The following LRP1B variants were observed in gnomAD, a reference collection of about 807,000 sequenced individuals.
LRP1B encodes low-density lipoprotein receptor-related protein 1B.
A neutral mutation model predicts 556.6 loss-of-function variants in LRP1B; 217 were observed. The ratio of observed to expected loss-of-function variants is 0.39; its 90% CI spans 0.35 to 0.44. The LOEUF (loss-of-function observed/expected upper bound fraction) is 0.44, where lower values mean the gene tolerates loss of function less well. Among genes scored for constraint, LRP1B ranks in the 20% least tolerant of loss-of-function variants. LRP1B has a pLI of 1.00. For missense variants in LRP1B, 5,053 were observed against 5,620.8 expected, an observed-to-expected ratio of 0.90 and a Z score of 3.23; for synonymous variants, 2,047 against 1,865.8, an observed-to-expected ratio of 1.10 and a Z score of -2.50.
intron 3 of LRP1B, among the ~76,000 whole-genome samples, chr2:141,305,743 A>C (rs989802279): frequency 4.6e-5 from 7 of 152,140 alleles, no homozygotes; most frequent in Non-Finnish European, 1.5e-5. Flanking sequence ...CACAGTCTCT[A>C]TTATGTTGAT....
intron 84 of LRP1B, among the ~76,000 whole-genome samples, chr2:140,284,005 G>A (rs746626105): frequency 6.6e-6 from 1 of 151,512 alleles, no homozygotes; most frequent in Non-Finnish European, 1.5e-5. Flanking sequence ...GCATATGAAG[G>A]CCTGAAAAAA....
intron 7 of LRP1B, among the ~76,000 whole-genome samples, chr2:141,184,738 A>C (rs1558918259): frequency 6.6e-6 from 1 of 151,486 alleles, no homozygotes; most frequent in Non-Finnish European, 1.5e-5. Flanking sequence ...CCTCAGCCAA[A>C]GTGCAGCGAT....
intron 1 of LRP1B, among the ~76,000 whole-genome samples, chr2:141,959,069 C>T (rs1167132790): frequency 6.6e-6 from 1 of 151,954 alleles, no homozygotes; most frequent in African/African-American, 2.4e-5. Context: ...AACCCTCAAG[C>T]TCATTTTCTT....
At chr2:140,661,874 A>G (rs1685108700) in intron 41 of LRP1B, among the ~76,000 whole-genome samples, 1 of 151,620 alleles carries the variant, frequency 6.6e-6, no homozygotes, top group Admixed American at 6.6e-5. Flanking sequence ...CACACAAAAA[A>G]GTTTAAGATT....
At chr2:141,513,334 T>C (rs1034708881) in intron 2 of LRP1B, among the ~76,000 whole-genome samples, 4 of 152,130 alleles carry the variant, frequency 2.6e-5, no homozygotes, top group Non-Finnish European at 5.9e-5. Flanking sequence ...ATTCCTTAAT[T>C]TTAAGTTATT....
chr2:141,031,714 AAAC>A (rs1698376863), intron 11 of LRP1B, among the ~76,000 whole-genome samples: 1 of 151,984 alleles, frequency 6.6e-6, no homozygotes, highest in Admixed American at 6.6e-5. Flanking sequence ...TTCACGAAGA[AAAC>A]AACAACACTT....
intron 7 of LRP1B, among the ~76,000 whole-genome samples, chr2:141,131,446 CCT>C (rs1701354382): frequency 1.4e-5 from 1 of 71,160 alleles, no homozygotes; most frequent in Non-Finnish European, 2.8e-5. Flanking sequence ...CTTAGAATTC[CCT>C]GTTTTTGTCT....
intron 28 of LRP1B, 95 bp from the exon 29 acceptor site, chr2:140,850,424 T>C: frequency 1.5e-6 from 1 of 650,318 alleles, no homozygotes; most frequent in Non-Finnish European, 2.6e-6. Flanking sequence ...ACATGTTAAC[T>C]CCCAAAAATC....
At chr2:141,833,561 T>C (rs1697174763) in intron 1 of LRP1B, among the ~76,000 whole-genome samples, 1 of 151,872 alleles carries the variant, frequency 6.6e-6, no homozygotes, top group Non-Finnish European at 1.5e-5. Flanking sequence ...GTAGAGCTTC[T>C]TGAAGTCCTG....
chr2:140,776,838 T>C (rs1689517190), intron 32 of LRP1B, among the ~76,000 whole-genome samples: 1 of 151,690 alleles, frequency 6.6e-6, no homozygotes, highest in Non-Finnish European at 1.5e-5. Context: ...AGTGTTCATT[T>C]GATATCAGAG....
chr2:141,556,920 A>G (rs1439957439), intron 2 of LRP1B, among the ~76,000 whole-genome samples: 1 of 151,270 alleles, frequency 6.6e-6, no homozygotes, highest in African/African-American at 2.4e-5. Context: ...ACTCTATACA[A>G]CTCCTACATA....
chr2:141,440,659 C>CTT lies in LRP1B; in HGVS notation c.343+39735_343+39736dup, dbSNP rs532957138. Among the ~76,000 whole-genome samples the CTT allele has an allele frequency of 5.3e-5, 8 of 152,358 alleles. No individual in the cohort carries two copies. In the South Asian group the frequency reaches 1.7e-3, roughly 32 times the overall value. On this transcript the variant is annotated intron_variant, in intron 3 of 90. Coordinates refer to ENST00000389484, the MANE Select transcript of LRP1B (RefSeq NM_018557.3). ...GCATTCTGATGGGCCTGTTTCTATA[C>CTT]TTTTAACAGTGGAACTAAATCTCCA...
intron 65 of LRP1B, among the ~76,000 whole-genome samples, chr2:140,443,762 T>C (rs954752817): frequency 3.3e-5 from 5 of 152,154 alleles, no homozygotes; most frequent in Non-Finnish European, 7.4e-5. Context: ...AAGATGGAAA[T>C]ATGAGATGAA....
intron 2 of LRP1B, among the ~76,000 whole-genome samples, chr2:141,608,667 GA>G (rs1313606091): frequency 6.6e-6 from 1 of 151,864 alleles, no homozygotes; most frequent in African/African-American, 2.4e-5. Context: ...AAACTTTATG[GA>G]AAAAATATAT....
chr2:141,204,172 A>G (rs1403843832), intron 6 of LRP1B, among the ~76,000 whole-genome samples: 2 of 152,208 alleles, frequency 1.3e-5, no homozygotes, highest in African/African-American at 4.8e-5. Context: ...ATTTGTCAAA[A>G]TTAATTACAT....
intron 2 of LRP1B, among the ~76,000 whole-genome samples, chr2:141,627,375 T>C (rs139251513): frequency 6.6e-6 from 1 of 152,346 alleles, no homozygotes; most frequent in African/African-American, 2.4e-5. Context: ...AATATCATTT[T>C]ACATCTGTCA....
At chr2:142,055,004 T>C (rs1704611222) in intron 1 of LRP1B, among the ~76,000 whole-genome samples, 2 of 152,178 alleles carry the variant, frequency 1.3e-5, no homozygotes, top group African/African-American at 4.8e-5. Flanking sequence ...AAAAGCTCAC[T>C]GTGTGAGAGA....
intron 2 of LRP1B, among the ~76,000 whole-genome samples, chr2:141,490,022 G>T (rs538257836): frequency 6.6e-6 from 1 of 152,104 alleles, no homozygotes; most frequent in Non-Finnish European, 1.5e-5. Flanking sequence ...ATGTAAAGGT[G>T]ATTGATTTTG....
chr2:141,367,564 G>A (rs1331925253), intron 3 of LRP1B, among the ~76,000 whole-genome samples: 3 of 126,636 alleles, frequency 2.4e-5, no homozygotes, highest in African/African-American at 9.1e-5. Flanking sequence ...CTCATTGCAA[G>A]CTCCGCCTCC....
Sources: allele counts gnomAD v4.1 joint callset (sites outside exome capture counted in the v4.1 genomes callset), GRCh38; gene constraint gnomAD v4.1.1; transcripts MANE v1.5; gene names NCBI Gene and HGNC (gene_info 2026-07-23, HGNC 2026-07-21).